Variants in HR observed in about 807,000 individuals in gnomAD.
HR encodes lysine-specific demethylase hairless.
HR carries 83 observed loss-of-function variants against 128.6 expected under a neutral mutation model. The observed-to-expected ratio is 0.65, with a 90% CI of 0.54 to 0.77. The LOEUF is 0.77. HR is among the 30% of genes least tolerant of loss of function. The probability of loss-of-function intolerance (pLI) is 0.00; values close to 1 mark genes in which losing one functional copy is unlikely to be tolerated. For synonymous variants in HR, 681 were observed against 658.2 expected (o/e 1.03, Z -0.53); for missense variants, 1,490 against 1,574.6 (o/e 0.95, Z 0.91).
In HR at chr8:22,121,096, G is replaced by T; in HGVS notation, c.2336C>A (p.Ala779Asp). 1.2e-6 allele frequency: 2 copies of T among 1,613,770 alleles called. No individual in the cohort carries two copies. Among genetic ancestry groups the T allele is most frequent in the Non-Finnish European group, 8.5e-7 (1 of 1,180,038 alleles). Residue 779 changes from alanine (A) to aspartate (D), a missense_variant, in exon 10 of 19, where the codon GCC becomes GAC. Physicochemically the swap from Ala to Asp is moderately radical, Grantham distance 126. Transcript: ENST00000381418. ...CAGGGCCGGAGTGACGGGGGCGAAG[G>T]CCATGTGTATTCGCTCATGGCCCAA... ...LCLGHERIHMAFAPVTPALPS... is the reference protein window; with the variant it reads ...LCLGHERIHMDFAPVTPALPS...
At chr8:22,120,649 A>C (rs1826720570) in intron 11 of HR, 67 bp downstream of exon 11, 7 of 1,541,048 alleles carry the variant, frequency 4.5e-6, no homozygotes, top group South Asian at 3.5e-5. Flanking sequence ...GTCTGGGCCT[A>C]GGGACCAAGG....
chr8:22,127,312 G>A lies in HR; in HGVS notation c.1130C>T (p.Thr377Ile). ...TGTGAGCCATGTCTTCTTCAGCTTG[G>A]TGTGGTGGCTGGGGGGACAGGCCCT... ...GPRACPPSHH[T>I]KLKKTWLTRH... is the part of the protein sequence containing the mutation. Residue 377 changes from threonine (T) to isoleucine (I), a missense_variant, in exon 3 of 19, where the codon ACC (threonine) becomes ATC (isoleucine). Physicochemically the swap from Thr to Ile is moderately conservative, Grantham distance 89 (BLOSUM62 -1). Around this residue, in one of 3 missense-constraint regions of HR, gnomAD observed 1,060 missense variants for 1,060.9 expected, o/e 1.00. Coordinates refer to ENST00000381418, the MANE Select transcript of HR (RefSeq NM_005144.5). 2 of 1,613,308 alleles carry A rather than the reference G, an allele frequency of 1.2e-6. No homozygotes were observed. The highest frequency in any genetic ancestry group is 2.2e-5 in the East Asian group (1 of 44,864).
In HR at chr8:22,121,699, T is replaced by G. The variant is rs1198970378; in HGVS notation, c.2122-5A>C. The G allele has an allele frequency of 6.2e-7, 1 of 1,613,944 alleles. No individual in the cohort carries two copies. The highest frequency in any genetic ancestry group is 8.5e-7 in the Non-Finnish European group (1 of 1,179,928). On this transcript the variant is annotated splice_region_variant and splice_polypyrimidine_tract_variant and intron_variant, in intron 8 of 18. Coordinates refer to ENST00000381418, the MANE Select transcript of HR (RefSeq NM_005144.5). ...CGTTTTCTGTGTTGATTCCTTCTGT[T>G]AAACCCATCCACCACCCCCCCAATC...
Position 22,120,955 on chromosome 8 carries a change from C to T in HR, c.2371G>A (p.Asp791Asn), listed in dbSNP as rs960749402. ...APVTPALPSD[D>N]RITNILDSII... is the part of the protein sequence containing the mutation. ...CTGTCCAGGATGTTGGTGATGCGGT[C>T]ATCCTGCAGAGAGGGGCACAGGGGC... is the stretch of plus-strand genomic sequence containing the variant. The change falls in exon 11 of 19, where the codon GAC (aspartate) becomes AAC (asparagine). Residue 791 changes from aspartate to asparagine, a missense_variant. Around this residue, in one of 3 missense-constraint regions of HR, gnomAD observed 1,060 missense variants for 1,060.9 expected, o/e 1.00. Coordinates refer to ENST00000381418, the MANE Select transcript of HR (RefSeq NM_005144.5). The T allele has an allele frequency of 1.3e-5, 21 of 1,596,206 alleles. No individual in the cohort carries two copies. In the African/African-American group the frequency reaches 2.4e-4, roughly 18 times the overall value.
Position 22,121,420 on chromosome 8 carries a change from A to C in HR, c.2204-192T>G, listed in dbSNP as rs78203325. Among the ~76,000 whole-genome samples, 664 of 151,980 alleles carry C rather than the reference A, an allele frequency of 4.4e-3. 3 individuals are homozygous for C. The highest frequency in any genetic ancestry group is 0.015 in the African/African-American group (635 of 41,436). ...CCTGCAGGCAGCTCCAGAGTCTCTA[A>C]AAAGAGGGGTTCAGAGGGGGGTCTG... On this transcript the variant is annotated intron_variant, in intron 9 of 18. Transcript: ENST00000381418.
intron 5 of HR, among the ~76,000 whole-genome samples, chr8:22,124,243 G>C (rs1027499049): frequency 1.3e-5 from 2 of 152,200 alleles, no homozygotes; most frequent in Non-Finnish European, 2.9e-5. Context: ...TGTTGTCGTT[G>C]TTTTGAGATA....
chr8:22,123,708 T>G lies in HR; in HGVS notation c.1856A>C (p.His619Pro). 2 of 1,466,088 alleles carry G rather than the reference T, an allele frequency of 1.4e-6. No homozygotes were observed. The highest frequency in any genetic ancestry group is 1.8e-6 in the Non-Finnish European group (2 of 1,098,136). 90.8% of individuals were successfully genotyped at this position (1,466,088 alleles called of 1,614,324 possible). Reference sequence around the variant, plus strand: ...ACGACCACAGGCCACACACAGCCGGTGGCTGCAGCGGGGACATCGCCAGTG... The same window carrying G: ...ACGACCACAGGCCACACACAGCCGGGGGCTGCAGCGGGGACATCGCCAGTG... ...NTHWRCPRCSHRLCVACGRVA... is the reference protein window; with the variant it reads ...NTHWRCPRCSPRLCVACGRVA... Residue 619 changes from histidine to proline, a missense_variant, in exon 6 of 19, where the codon CAC (histidine) becomes CCC (proline). By Grantham distance (77) the His-to-Pro change is moderately conservative. This residue lies in a region of HR where 1,060 missense variants were observed against 1,060.9 expected (regional missense o/e 1.00). Coordinates refer to ENST00000381418, the MANE Select transcript of HR (RefSeq NM_005144.5).
chr8:22,118,241 C>T (rs1387178449), intron 16 of HR: 1 of 152,896 alleles, frequency 6.5e-6, no homozygotes, highest in Non-Finnish European at 1.5e-5. Context: ...AATGAGGGCT[C>T]AGCTGGACTT....
chr8:22,130,213 C>T (rs1827014331), intron 1 of HR, among the ~76,000 whole-genome samples: 1 of 152,222 alleles, frequency 6.6e-6, no homozygotes, highest in African/African-American at 2.4e-5. Context: ...AAGCCCCAGG[C>T]GGGAGGTGAC....
At chr8:22,118,900 C>A in intron 16 of HR, 50 bp downstream of exon 16, 1 of 1,519,850 alleles carries the variant, frequency 6.6e-7, no homozygotes, top group South Asian at 1.1e-5. Flanking sequence ...ACTGGACGAG[C>A]TTCTAGGGCT....
In HR at chr8:22,120,134, T is replaced by C; in HGVS notation, c.2816A>G (p.His939Arg). ...KSDEGSVLLL[H>R]RALGDEDTSR... is the part of the protein sequence containing the mutation. ...GGTGTCCTCATCCCCCAAAGCTCGG[T>C]GCAGCAGGAGGACAGAGCCCTCGTC... Residue 939 changes from histidine to arginine, a missense_variant, in exon 13 of 19, where the codon CAC (histidine) becomes CGC (arginine). By Grantham distance (29) the His-to-Arg change is conservative. Transcript: ENST00000381418. 6.3e-7 allele frequency: 1 copy of C among 1,593,460 alleles called. No individual in the cohort carries two copies. The highest frequency in any genetic ancestry group is 1.8e-5 in the Admixed American group (1 of 55,594).
intron 16 of HR, 128 bp downstream of exon 16, chr8:22,118,822 G>T: frequency 1.3e-6 from 1 of 749,426 alleles, no homozygotes; most frequent in Non-Finnish European, 2.2e-6. Context: ...TGTGCGAGTT[G>T]GGTCTGTGCA....
At position 22,118,232 on chromosome 8, in the gene HR, A is replaced by T. The variant is rs552462660; in HGVS notation, c.3213+718T>A. ...AGGTGGAAGTCTTTTCCCCAGGATA[A>T]TGAGGGCTCAGCTGGACTTGGGAAC... On this transcript the variant is annotated intron_variant, in intron 16 of 18. Transcript: ENST00000381418. The T allele has an allele frequency of 3.3e-3, 504 of 152,780 alleles. 6 individuals carry two copies. The highest frequency in any genetic ancestry group is 4.0e-3 in the Non-Finnish European group (275 of 68,476). 9.5% of individuals were successfully genotyped at this position (152,780 alleles called of 1,614,324 possible).
chr8:22,121,137 G>A lies in HR; in HGVS notation c.2295C>T (p.Thr765=), dbSNP rs574322741. The change falls in exon 10 of 19, where the codon ACC becomes ACT. Residue 765 remains threonine, a synonymous_variant. Coordinates refer to ENST00000381418, the MANE Select transcript of HR (RefSeq NM_005144.5). ...CATGGCCCAAGCAGAGTTTGACCGC[G>A]GTAGAAGCCAGCAGTTCGCAGAGAG... ...CPSLCELLAS[T]AVKLCLGHER... 4.9e-5 allele frequency: 79 copies of A among 1,613,928 alleles called. No individual in the cohort carries two copies. Among genetic ancestry groups the A allele is most frequent in the East Asian group, 2.5e-4 (11 of 44,882 alleles).
In HR at chr8:22,117,180, G is replaced by A. The variant is rs1007601496; in HGVS notation, c.3214-141C>T. ...CTTGAAGGGCAGGCAGGGAGGGCAT[G>A]GCTGAGTTTGTTTGGGGCTGGGGCA... is the stretch of plus-strand genomic sequence containing the variant. On this transcript the variant is annotated intron_variant, in intron 16 of 18. Coordinates refer to ENST00000381418, the MANE Select transcript of HR (RefSeq NM_005144.5). 9.2e-6 allele frequency: 8 copies of A among 872,702 alleles called. No homozygotes were observed. The African/African-American group carries it at 1.2e-4, about 13-fold the overall frequency. The allele number at this position is 872,702 out of a possible 1,614,324, so 54.1% of individuals were successfully genotyped here.
In HR at chr8:22,120,323, C is replaced by A. The variant is rs1826708154; in HGVS notation, c.2776+19G>T. On this transcript the variant is annotated intron_variant, in intron 12 of 18. Transcript: ENST00000381418. The stretch of plus-strand genomic sequence containing the variant: ...GCTTGGGCTCCCAGCTCCCTCTCCC[C>A]TGTGTTGGGGACACTTACGCTCAGG... The A allele has an allele frequency of 6.2e-7, 1 of 1,613,628 alleles. No individual in the cohort carries two copies. The highest frequency in any genetic ancestry group is 8.5e-7 in the Non-Finnish European group (1 of 1,179,988).
At position 22,116,279 on chromosome 8, in the gene HR, G is replaced by GC. The variant is rs762352872; in HGVS notation, c.3507+20dup. On this transcript the variant is annotated intron_variant, in intron 18 of 18. Transcript: ENST00000381418. The surrounding 1 kb of genome is among the most constrained non-coding windows in gnomAD (Gnocchi z 4.2). ...GAGGCTTGGGTAGCACACCCAGCCT[G>GC]CTGGCCCACATCCCACTCACCTGGG... 39 of 1,611,482 alleles carry GC rather than the reference G, an allele frequency of 2.4e-5. No homozygotes were observed. In the South Asian group the frequency reaches 4.2e-4, roughly 17 times the overall value.
At position 22,116,437 on chromosome 8, in the gene HR, G is replaced by T. The variant is rs1488230781; in HGVS notation, c.3379-9C>A. On this transcript the variant is annotated splice_polypyrimidine_tract_variant and intron_variant, in intron 17 of 18. Transcript: ENST00000381418. The surrounding 1 kb of genome is among the most constrained non-coding windows in gnomAD (Gnocchi z 4.2). ...CTCACCAGGCCCTGCACCTGTGTCGGGGGGACATGGACAGTGAGGCTCAAG... is the reference window on the plus strand; with the variant it reads ...CTCACCAGGCCCTGCACCTGTGTCGTGGGGACATGGACAGTGAGGCTCAAG... 3.1e-6 allele frequency: 5 copies of T among 1,613,338 alleles called. No individual in the cohort carries two copies. The South Asian group carries it at 5.5e-5, about 18-fold the overall frequency.
chr8:22,121,648 T>A lies in HR; in HGVS notation c.2168A>T (p.Asn723Ile). ...GCTCTTGGTCCTGTGGGTGTCGCCA[T>A]TGCAGGAAGGTTGTGGAGTTGGGGG... The part of the protein sequence containing the change: ...KTPPTPQPSC[N>I]GDTHRTKSIK... The change falls in exon 9 of 19, where the codon AAT becomes ATT. Residue 723 changes from asparagine (N) to isoleucine (I), a missense_variant. Physicochemically the swap from Asn to Ile is moderately radical, Grantham distance 149. Around this residue, in one of 3 missense-constraint regions of HR, gnomAD observed 1,060 missense variants for 1,060.9 expected, o/e 1.00. Transcript: ENST00000381418. The A allele has an allele frequency of 6.2e-7, 1 of 1,614,128 alleles. No individual in the cohort carries two copies. Among genetic ancestry groups the A allele is most frequent in the African/African-American group, 1.3e-5 (1 of 75,028 alleles).
Sources: gnomAD v4.1 joint callset for allele counts (sites outside exome capture counted in the v4.1 genomes callset) on GRCh38, gnomAD v4.1.1 for gene constraint, gnomAD v4.1.1 regional missense constraint, Gnocchi (gnomAD v3.1) non-coding constraint, MANE v1.5 for transcripts, NCBI Gene and HGNC (gene_info 2026-07-23, HGNC 2026-07-21) for gene names.